DNER: variants seen among roughly 807,000 people sequenced by gnomAD.
The protein encoded by DNER is delta and Notch-like epidermal growth factor-related receptor.
A neutral mutation model predicts 78.2 loss-of-function variants in DNER; 33 were observed. The ratio of observed to expected loss-of-function variants is 0.42; its 90% confidence interval spans 0.32 to 0.56. DNER has a LOEUF of 0.56. DNER is among the 20% of genes least tolerant of loss of function. DNER has a pLI of 0.11. For missense variants in DNER, 918 were observed against 975.3 expected (o/e 0.94, Z 0.78); for synonymous variants, 417 against 384.8 (o/e 1.08, Z -0.98).
intron 4 of DNER, 129 bp downstream of exon 4, chr2:229,585,729 G>T: frequency 1.1e-6 from 1 of 914,188 alleles, no homozygotes; most frequent in Non-Finnish European, 1.6e-6. Context: ...CCTTACCAAA[G>T]TGAAAGAAAT....
At chr2:229,476,344 C>T (rs756788429) in intron 7 of DNER, among the ~76,000 whole-genome samples, 1 of 152,146 alleles carries the variant, frequency 6.6e-6, no homozygotes, top group Non-Finnish European at 1.5e-5. Context: ...CCCTCCTGGA[C>T]CACCGCCCTC....
intron 6 of DNER, among the ~76,000 whole-genome samples, chr2:229,478,729 C>T (rs1388721983): frequency 1.3e-5 from 2 of 152,152 alleles, no homozygotes; most frequent in Non-Finnish European, 2.9e-5. Context: ...AATTTATCCA[C>T]ACATTAATAC....
chr2:229,587,981 AAAAT>A (rs201191241), intron 3 of DNER, among the ~76,000 whole-genome samples: 5,969 of 152,234 alleles, frequency 0.039, 162 homozygotes, highest in Non-Finnish European at 0.055. Flanking sequence ...AAAATTATAA[AAAAT>A]AAAGAGAAAA....
intron 6 of DNER, among the ~76,000 whole-genome samples, chr2:229,494,674 C>T (rs1285337928): frequency 1.3e-5 from 2 of 152,172 alleles, no homozygotes; most frequent in Non-Finnish European, 2.9e-5. Context: ...AAGCCTTGTC[C>T]CCAGACCTGG....
chr2:229,653,964 CATT>C (rs150861082), intron 1 of DNER, among the ~76,000 whole-genome samples: 1 of 151,774 alleles, frequency 6.6e-6, no homozygotes, highest in African/African-American at 2.4e-5. Context: ...TTGTCTTTTT[CATT>C]ATTATTATTA....
At chr2:229,701,091 TGCAGAGGGATGATATTG>T in intron 1 of DNER, among the ~76,000 whole-genome samples, 1 of 152,304 alleles carries the variant, frequency 6.6e-6, no homozygotes, top group African/African-American at 2.4e-5. Flanking sequence ...CAGTGATTAG[TGCAGAGGGATGATATTG>T]GCAGGAGAGG....
intron 4 of DNER, among the ~76,000 whole-genome samples, chr2:229,566,678 C>T (rs1003543491): frequency 6.6e-6 from 1 of 152,156 alleles, no homozygotes; most frequent in African/African-American, 2.4e-5. Flanking sequence ...AGCCTCTCTC[C>T]CATCAGGCTC....
At chr2:229,577,048 A>G (rs1697315431) in intron 4 of DNER, among the ~76,000 whole-genome samples, 1 of 152,198 alleles carries the variant, frequency 6.6e-6, no homozygotes, top group African/African-American at 2.4e-5. Flanking sequence ...AGGGTCGTGA[A>G]GCTGGGACTG....
chr2:229,644,846 C>T (rs966999436), intron 1 of DNER, among the ~76,000 whole-genome samples: 2 of 152,134 alleles, frequency 1.3e-5, no homozygotes, highest in African/African-American at 4.8e-5. Flanking sequence ...CACAACACTG[C>T]ACAACCCATC....
intron 1 of DNER, among the ~76,000 whole-genome samples, chr2:229,601,126 C>T (rs1413626972): frequency 2.0e-5 from 3 of 152,082 alleles, no homozygotes; most frequent in East Asian, 1.9e-4. Context: ...ATTCTAAAGG[C>T]GTTTAAGTTC....
chr2:229,638,514 T>C (rs1381981974), intron 1 of DNER, among the ~76,000 whole-genome samples: 1 of 152,174 alleles, frequency 6.6e-6, no homozygotes, highest in East Asian at 1.9e-4. Flanking sequence ...TGAAAAACAT[T>C]CGCTTGGTGC....
At chr2:229,387,724 T>C (rs547362396) in intron 11 of DNER, among the ~76,000 whole-genome samples, 8 of 152,272 alleles carry the variant, frequency 5.3e-5, no homozygotes, top group African/African-American at 1.9e-4. Flanking sequence ...CCCTAAGAGA[T>C]CACTCAGCTT....
At chr2:229,597,958 G>A (rs1335939294) in intron 1 of DNER, among the ~76,000 whole-genome samples, 1 of 152,214 alleles carries the variant, frequency 6.6e-6, no homozygotes, top group Non-Finnish European at 1.5e-5. Flanking sequence ...TGGGACTTGT[G>A]ATTCAAAGGC....
rs148691979 is a variant in DNER, at chr2:229,373,153, C to T, written c.1856-6034G>A. ...CAAAAGAAACTATTGACAGAGTAAACAGACAACCGACAGAAGAGGAGAAAA... is the reference window on the plus strand; with the variant it reads ...CAAAAGAAACTATTGACAGAGTAAATAGACAACCGACAGAAGAGGAGAAAA... On this transcript the variant is annotated intron_variant, in intron 11 of 12. Coordinates refer to ENST00000341772, the MANE Select transcript of DNER (RefSeq NM_139072.4). Among the ~76,000 whole-genome samples the T allele has an allele frequency of 2.2e-3, 339 of 152,222 alleles. 2 individuals are homozygous for T. Among genetic ancestry groups the T allele is most frequent in the African/African-American group, 7.8e-3 (325 of 41,552 alleles).
intron 7 of DNER, among the ~76,000 whole-genome samples, chr2:229,472,622 T>G (rs1694946947): frequency 6.6e-6 from 1 of 152,186 alleles, no homozygotes; most frequent in South Asian, 2.1e-4. Context: ...TAAAATGCAT[T>G]TAGTTTAAAA....
At chr2:229,563,436 C>T (rs1260294027) in intron 4 of DNER, among the ~76,000 whole-genome samples, 5 of 147,486 alleles carry the variant, frequency 3.4e-5, no homozygotes, top group African/African-American at 5.0e-5. Flanking sequence ...CATCCTCACC[C>T]CATCACCATC....
intron 4 of DNER, among the ~76,000 whole-genome samples, chr2:229,581,291 G>T (rs561974327): frequency 6.6e-6 from 1 of 152,172 alleles, no homozygotes; most frequent in Non-Finnish European, 1.5e-5. Context: ...ACTGTTTCAT[G>T]GAAATGTGAC....
intron 1 of DNER, among the ~76,000 whole-genome samples, chr2:229,684,124 T>TGTGTGTGTG (rs1559208232): frequency 8.9e-5 from 6 of 67,710 alleles, no homozygotes; most frequent in African/African-American, 3.4e-4. Flanking sequence ...GTGTGTGTGT[T>TGTGTGTGTG]TGTGTGTGTG....
rs181844928 is a variant in DNER at position 229,679,318 on chromosome 2, G to C, written c.276+34830C>G. ...TTTCACCTTTTGCCTAAGCAAAAAGGTATGTAAGGAAAGAAGGAGCTCAGC... is the reference window on the plus strand; with the variant it reads ...TTTCACCTTTTGCCTAAGCAAAAAGCTATGTAAGGAAAGAAGGAGCTCAGC... On this transcript the variant is annotated intron_variant, in intron 1 of 12. Transcript: ENST00000341772. Among the ~76,000 whole-genome samples the C allele has an allele frequency of 4.7e-3, 716 of 152,226 alleles. 6 individuals carry two copies. Among genetic ancestry groups the C allele is most frequent in the Non-Finnish European group, 6.5e-3 (440 of 68,008 alleles).
Sources: allele counts gnomAD v4.1 joint callset (sites outside exome capture counted in the v4.1 genomes callset), GRCh38; gene constraint gnomAD v4.1.1; transcripts MANE v1.5; gene names NCBI Gene and HGNC (gene_info 2026-07-23, HGNC 2026-07-21).